The following GABPA variants were observed in gnomAD, a reference collection of about 807,000 sequenced individuals.
GABPA encodes GA binding protein transcription factor subunit alpha.
Under a neutral mutation model 59.4 loss-of-function variants are expected in GABPA, and 4 were observed. That is an observed-to-expected ratio of 0.07 (90% CI 0.03 to 0.15). The LOEUF (loss-of-function observed/expected upper bound fraction) is 0.15, where lower values mean the gene tolerates loss of function less well. Among genes scored for constraint, GABPA ranks in the 10% least tolerant of loss-of-function variants. The pLI, the probability that GABPA is intolerant of heterozygous loss-of-function variation, is 1.00. For missense variants in GABPA, 251 were observed against 543.8 expected, an observed-to-expected ratio of 0.46 and a Z score of 5.36; for synonymous variants, 164 against 183.1, an observed-to-expected ratio of 0.90 and a Z score of 0.84.
chr21:25,742,564 A>G (rs1248361248), intron 2 of GABPA, among the ~76,000 whole-genome samples: 2 of 152,128 alleles, frequency 1.3e-5, no homozygotes, highest in Non-Finnish European at 1.5e-5. Flanking sequence ...GCTTCTGTGG[A>G]ATTTCATGTA....
chr21:25,736,001 G>A (rs1321656125), intron 1 of GABPA, among the ~76,000 whole-genome samples: 1 of 152,098 alleles, frequency 6.6e-6, no homozygotes, highest in African/African-American at 2.4e-5. Flanking sequence ...GGGACTCAGC[G>A]ATTCACTCAT....
Position 25,735,262 on chromosome 21 carries a change from G to A in GABPA, c.-343G>A, listed in dbSNP as rs1347059361. 11 of 509,930 alleles carry A rather than the reference G, an allele frequency of 2.2e-5. No individual in the cohort carries two copies. The highest frequency in any genetic ancestry group is 6.7e-5 in the East Asian group (2 of 29,948). The allele number at this position is 509,930 out of a possible 1,614,324, so 31.6% of individuals were successfully genotyped here. On this transcript the variant is annotated 5_prime_UTR_variant, in exon 1 of 10. Transcript: ENST00000400075. ...TTATCGAAGTGTATAAAGGTGCAGG[G>A]AAAGTGAGACTGTGTAAAACAAAGC...
intron 2 of GABPA, among the ~76,000 whole-genome samples, chr21:25,743,762 G>GA (rs1430814800): frequency 6.6e-6 from 1 of 151,906 alleles, no homozygotes; most frequent in African/African-American, 2.4e-5. Flanking sequence ...TACAAAAAAA[G>GA]AAAAAACTGG....
chr21:25,741,485 C>G (rs1220144357), intron 1 of GABPA, 88 bp from the exon 2 acceptor site: 17 of 546,644 alleles, frequency 3.1e-5, no homozygotes, highest in East Asian at 7.0e-5. Context: ...TTGGCGTTTG[C>G]TTTTTATTTG....
rs2035967773 is a variant in GABPA at position 25,769,441 on chromosome 21, C to T, written c.*209C>T. ...AGAATATGTGTATGTTAAAGGATCT[C>T]CACAATGTCTGCAGTGTGAAGGCAG... On this transcript the variant is annotated 3_prime_UTR_variant, in exon 10 of 10. Transcript: ENST00000400075. 5 of 495,056 alleles carry T rather than the reference C, an allele frequency of 1.0e-5. No individual in the cohort carries two copies. Among genetic ancestry groups the T allele is most frequent in the Non-Finnish European group, 1.5e-5 (4 of 275,400 alleles). 30.7% of individuals were successfully genotyped at this position (495,056 alleles called of 1,614,324 possible). A position where few individuals can be genotyped will look rare whatever the true frequency, so the allele number is the denominator to read the frequency against.
chr21:25,764,260 A>G lies in GABPA; in HGVS notation c.853A>G (p.Lys285Glu). ...GCAATCTGCTACACCTACTACCATT[A>G]AAGTTATAAATAGTAGTGCGAAAGC... ...SVQSATPTTI[K>E]VINSSAKAAK... Residue 285 changes from lysine (K) to glutamate (E), a missense_variant, in exon 8 of 10, where the codon AAA becomes GAA. Lys to Glu is a moderately conservative substitution (Grantham distance 56). This residue lies in a region of GABPA where 207 missense variants were observed against 366.7 expected (regional missense o/e 0.56). Coordinates refer to ENST00000400075, the MANE Select transcript of GABPA (RefSeq NM_002040.4). 1 of 1,611,466 alleles carries G rather than the reference A, an allele frequency of 6.2e-7. No individual in the cohort carries two copies. The highest frequency in any genetic ancestry group is 8.5e-7 in the Non-Finnish European group (1 of 1,178,526).
intron 6 of GABPA, among the ~76,000 whole-genome samples, chr21:25,759,853 A>G (rs2035724012): frequency 6.6e-6 from 1 of 152,206 alleles, no homozygotes; most frequent in African/African-American, 2.4e-5. Flanking sequence ...AAGATAGTGC[A>G]TAGATGGTAG....
Position 25,770,695 on chromosome 21 carries a change from G to C in GABPA, c.*1463G>C, listed in dbSNP as rs1373400734. ...CTTTTGACTTAACTAGGAGAAAAAG[G>C]CATGATAATACAGGCAAGATGGCAT... On this transcript the variant is annotated 3_prime_UTR_variant, in exon 10 of 10. Transcript: ENST00000400075. The C allele has an allele frequency of 1.3e-5, 2 of 151,686 alleles. No homozygotes were observed. The highest frequency in any genetic ancestry group is 4.9e-5 in the African/African-American group (2 of 41,122). The allele number at this position is 151,686 out of a possible 1,614,324, so 9.4% of individuals were successfully genotyped here.
intron 3 of GABPA, 75 bp downstream of exon 3, chr21:25,745,429 T>C (rs2035336306): frequency 3.0e-6 from 4 of 1,342,336 alleles, no homozygotes; most frequent in Non-Finnish European, 4.2e-6. Flanking sequence ...GCCTTTTCTT[T>C]ATAGCTATAG....
chr21:25,737,730 C>T (rs2035117962), intron 1 of GABPA, among the ~76,000 whole-genome samples: 1 of 152,044 alleles, frequency 6.6e-6, no homozygotes, highest in African/African-American at 2.4e-5. Flanking sequence ...TTTATGTTTT[C>T]TAATTTTAAA....
chr21:25,748,692 T>C (rs1280933152), intron 3 of GABPA, among the ~76,000 whole-genome samples: 1 of 152,206 alleles, frequency 6.6e-6, no homozygotes, highest in Non-Finnish European at 1.5e-5. Flanking sequence ...ACACTTTTAC[T>C]TATTCATGAC....
chr21:25,735,231 T>G lies in GABPA; in HGVS notation c.-374T>G, dbSNP rs1481291619. 7 of 580,776 alleles carry G rather than the reference T, an allele frequency of 1.2e-5. No homozygotes were observed. The highest frequency in any genetic ancestry group is 1.9e-5 in the African/African-American group (1 of 53,514). The allele number at this position is 580,776 out of a possible 1,614,324, so 36.0% of individuals were successfully genotyped here. On this transcript the variant is annotated 5_prime_UTR_variant, in exon 1 of 10. Transcript: ENST00000400075. Reference sequence around the variant, plus strand: ...CCCCTCCGAGTCAGCGTCCTGTTCGTTAGGGTTATCGAAGTGTATAAAGGT... The same window carrying G: ...CCCCTCCGAGTCAGCGTCCTGTTCGGTAGGGTTATCGAAGTGTATAAAGGT...
chr21:25,743,088 A>G (rs1480148096), intron 2 of GABPA, among the ~76,000 whole-genome samples: 1 of 152,206 alleles, frequency 6.6e-6, no homozygotes, highest in African/African-American at 2.4e-5. Context: ...GACTAGGGCT[A>G]GGGTGTCTGC....
At chr21:25,744,932 A>G (rs954801923) in intron 2 of GABPA, among the ~76,000 whole-genome samples, 2 of 152,198 alleles carry the variant, frequency 1.3e-5, no homozygotes, top group African/African-American at 2.4e-5. Context: ...TGTATGTGCA[A>G]TGTTTATATG....
intron 1 of GABPA, among the ~76,000 whole-genome samples, chr21:25,735,988 C>T (rs772872875): frequency 6.6e-6 from 1 of 152,284 alleles, no homozygotes. Context: ...CCTGTCTCAT[C>T]GCGGGACTCA....
chr21:25,758,277 CTTAG>C (rs995310530), intron 6 of GABPA, 73 bp downstream of exon 6: 1 of 1,098,002 alleles, frequency 9.1e-7, no homozygotes. Flanking sequence ...TTGTTTTCAT[CTTAG>C]TTGTTTATTG....
intron 3 of GABPA, among the ~76,000 whole-genome samples, chr21:25,747,003 ACT>A (rs1027557383): frequency 6.4e-4 from 98 of 152,176 alleles, no homozygotes; most frequent in African/African-American, 9.4e-4. Context: ...CTTACAAAAC[ACT>A]CTAATTCTCT....
intron 1 of GABPA, among the ~76,000 whole-genome samples, chr21:25,741,291 G>A (rs1447415416): frequency 6.6e-6 from 1 of 151,828 alleles, no homozygotes; most frequent in East Asian, 1.9e-4. Flanking sequence ...GTGCCACCAC[G>A]CCCTGCTCAT....
chr21:25,740,512 T>C (rs550416285), intron 1 of GABPA, among the ~76,000 whole-genome samples: 23 of 152,240 alleles, frequency 1.5e-4, no homozygotes, highest in Non-Finnish European at 2.5e-4. Context: ...AACCTGGTAC[T>C]TAACAGTATT....
Sources: gnomAD v4.1 joint callset for allele counts (sites outside exome capture counted in the v4.1 genomes callset) on GRCh38, gnomAD v4.1.1 for gene constraint, gnomAD v4.1.1 regional missense constraint, MANE v1.5 for transcripts, NCBI Gene and HGNC (gene_info 2026-07-23, HGNC 2026-07-21) for gene names.